WDFY4: variants seen among roughly 807,000 people sequenced by gnomAD.
The protein encoded by WDFY4 is WD repeat- and FYVE domain-containing protein 4.
A neutral mutation model predicts 351.9 loss-of-function variants in WDFY4; 169 were observed. The ratio of observed to expected loss-of-function variants is 0.48; its 90% confidence interval spans 0.42 to 0.55. The LOEUF (loss-of-function observed/expected upper bound fraction) is 0.55. Ranked by LOEUF, WDFY4 falls within the 20% of genes least tolerant of loss-of-function variation. The pLI, the probability that WDFY4 is intolerant of heterozygous loss-of-function variation, is 0.00. For missense variants in WDFY4, 3,803 were observed against 3,935.6 expected, an observed-to-expected ratio of 0.97 and a Z score of 0.90; for synonymous variants, 1,622 against 1,574.6, an observed-to-expected ratio of 1.03 and a Z score of -0.71.
intron 7 of WDFY4, 134 bp downstream of exon 7, chr10:48,727,793 G>A: frequency 8.8e-7 from 1 of 1,130,796 alleles, no homozygotes; most frequent in Non-Finnish European, 1.2e-6. Flanking sequence ...ATTTGCAAAA[G>A]TGATTCATTG....
At chr10:48,825,726 T>C (rs1434647145) in intron 35 of WDFY4, among the ~76,000 whole-genome samples, 1 of 151,442 alleles carries the variant, frequency 6.6e-6, no homozygotes, top group Non-Finnish European at 1.5e-5. Context: ...ACTTTTTTTT[T>C]CATATATTTG....
chr10:48,792,701 C>T (rs1243093724), intron 23 of WDFY4, among the ~76,000 whole-genome samples: 1 of 152,064 alleles, frequency 6.6e-6, no homozygotes, highest in South Asian at 2.1e-4. Context: ...AAAATAAGAA[C>T]CAAAATAATT....
At chr10:48,772,906 A>G (rs1170928600) in intron 13 of WDFY4, among the ~76,000 whole-genome samples, 8 of 150,868 alleles carry the variant, frequency 5.3e-5, no homozygotes, top group Non-Finnish European at 1.2e-4. Flanking sequence ...ATAGTATTCC[A>G]TGGTGTATAT....
intron 12 of WDFY4, chr10:48,745,458 A>C (rs1207449553): frequency 7.5e-6 from 2 of 265,620 alleles, no homozygotes; most frequent in Non-Finnish European, 1.5e-5. Flanking sequence ...TTTCATTCAA[A>C]TATCCTTTAT....
At chr10:48,775,238 T>C (rs2065992718) in intron 14 of WDFY4, among the ~76,000 whole-genome samples, 1 of 152,028 alleles carries the variant, frequency 6.6e-6, no homozygotes, top group African/African-American at 2.4e-5. Flanking sequence ...GAAGGGAAGC[T>C]ACTGGGGAGG....
intron 1 of WDFY4, among the ~76,000 whole-genome samples, chr10:48,704,035 A>T (rs1302058200): frequency 2.6e-5 from 4 of 152,024 alleles, no homozygotes. Context: ...TGCACATGGC[A>T]CAGAGGAAGG....
chr10:48,846,767 C>T (rs1419022553), intron 39 of WDFY4, among the ~76,000 whole-genome samples: 1 of 152,188 alleles, frequency 6.6e-6, no homozygotes, highest in African/African-American at 2.4e-5. Context: ...GTGCAGCATC[C>T]TAGAGCTGGC....
At chr10:48,782,789 T>C (rs1321342058) in intron 19 of WDFY4, among the ~76,000 whole-genome samples, 1 of 152,246 alleles carries the variant, frequency 6.6e-6, no homozygotes, top group East Asian at 1.9e-4. Context: ...TTTGTAAAGA[T>C]ATGGAGCATT....
intron 20 of WDFY4, among the ~76,000 whole-genome samples, chr10:48,788,246 C>G (rs1035145252): frequency 6.6e-5 from 10 of 151,968 alleles, no homozygotes; most frequent in African/African-American, 2.4e-4. Context: ...CTAGACTGGT[C>G]TCGAAATCCT....
intron 2 of WDFY4, among the ~76,000 whole-genome samples, chr10:48,713,968 T>C (rs1168869826): frequency 6.6e-6 from 1 of 152,218 alleles, no homozygotes; most frequent in Non-Finnish European, 1.5e-5. Context: ...AGGTGAGCAG[T>C]TGCTTTCACT....
chr10:48,738,286 C>G (rs1253629560), intron 11 of WDFY4, among the ~76,000 whole-genome samples: 1 of 152,224 alleles, frequency 6.6e-6, no homozygotes, highest in African/African-American at 2.4e-5. Context: ...AGCCCAGAGG[C>G]ATCGTATTGG....
rs1482943374 is a variant in WDFY4, at chr10:48,974,867, G to T, written c.8934G>T (p.Leu2978Phe). Reference protein sequence around the residue: ...RPRGLRLRQALYGHTQAVTCL... With the variant: ...RPRGLRLRQAFYGHTQAVTCL... ...CTGTGAGTCTCTGTCCCCAGGCCTT[G>T]TATGGACACACACAGGCTGTCACGT... Residue 2978 changes from leucine (L) to phenylalanine (F), a missense_variant, in exon 58 of 62, where the codon TTG becomes TTT. Around this residue, in one of 3 missense-constraint regions of WDFY4, gnomAD observed 3,054 missense variants for 3,148.6 expected, o/e 0.97. Transcript: ENST00000325239. The T allele has an allele frequency of 1.6e-5, 25 of 1,543,172 alleles. No homozygotes were observed. The highest frequency in any genetic ancestry group is 2.1e-5 in the Non-Finnish European group (24 of 1,141,432).
At chr10:48,960,869 AT>A (rs1841827253) in intron 53 of WDFY4, among the ~76,000 whole-genome samples, 1 of 152,226 alleles carries the variant, frequency 6.6e-6, no homozygotes, top group Non-Finnish European at 1.5e-5. Context: ...GAAATGTGAC[AT>A]TTAGAGGCAA....
chr10:48,944,508 A>T (rs1350496412), intron 49 of WDFY4, among the ~76,000 whole-genome samples: 1 of 152,230 alleles, frequency 6.6e-6, no homozygotes, highest in East Asian at 1.9e-4. Flanking sequence ...TATGTAAAGC[A>T]CACAAGGTGG....
chr10:48,817,493 C>A lies in WDFY4; in HGVS notation c.5505+84C>A. ...GGGCAAAGGGCAAAATCCCTCCCCT[C>A]CCCCCTAAAATTAAAATACATTTTA... On this transcript the variant is annotated intron_variant, in intron 32 of 61. Coordinates refer to ENST00000325239, the MANE Select transcript of WDFY4 (RefSeq NM_001394531.1). 2.1e-6 allele frequency: 3 copies of A among 1,405,328 alleles called. No individual in the cohort carries two copies. In the South Asian group the frequency reaches 4.5e-5, roughly 21 times the overall value. The allele number at this position is 1,405,328 out of a possible 1,614,324, so 87.1% of individuals were successfully genotyped here. A position where few individuals can be genotyped will look rare whatever the true frequency, so the allele number is the denominator to read the frequency against.
intron 20 of WDFY4, among the ~76,000 whole-genome samples, chr10:48,787,942 CTTCTTCTTCTTCTT>C (rs2066523578): frequency 1.1e-4 from 11 of 104,404 alleles, no homozygotes; most frequent in Non-Finnish European, 1.5e-4. Context: ...TCTTCTTCTT[CTTCTTCTTCTTCTT>C]CTTCTTCTTC....
chr10:48,843,240 C>T (rs1487935627), intron 39 of WDFY4, among the ~76,000 whole-genome samples: 1 of 152,182 alleles, frequency 6.6e-6, no homozygotes, highest in East Asian at 1.9e-4. Context: ...ATTCTTGTTT[C>T]TTTCTCCTCT....
chr10:48,773,545 C>G (rs1021592343), intron 13 of WDFY4, among the ~76,000 whole-genome samples: 2 of 152,212 alleles, frequency 1.3e-5, no homozygotes, highest in Non-Finnish European at 2.9e-5. Context: ...ATTTACTGAG[C>G]CCAGTCTATG....
chr10:48,857,707 A>G (rs919719275), intron 39 of WDFY4, among the ~76,000 whole-genome samples: 3 of 152,318 alleles, frequency 2.0e-5, no homozygotes, highest in South Asian at 4.1e-4. Flanking sequence ...AACAAAGTGT[A>G]CTAAGGTCTT....
Sources: allele counts gnomAD v4.1 joint callset (sites outside exome capture counted in the v4.1 genomes callset), GRCh38; gene constraint gnomAD v4.1.1; regional missense constraint gnomAD v4.1.1; transcripts MANE v1.5; gene names NCBI Gene and HGNC (gene_info 2026-07-23, HGNC 2026-07-21).